The following CSTPP1 variants were observed in gnomAD, a reference collection of about 807,000 sequenced individuals.
The protein encoded by CSTPP1 is centriolar satellite-associated tubulin polyglutamylase complex regulator 1, also known as UPF0705 protein C11orf49.
the CSTPP1 span, among the ~76,000 whole-genome samples, chr11:47,119,826 G>A: frequency 6.6e-6 from 1 of 151,992 alleles, no homozygotes; most frequent in Non-Finnish European, 1.5e-5. Flanking sequence ...GGTCAGGCTG[G>A]TCTCGAACTC....
chr11:47,154,937 T>C, the CSTPP1 span: 6 of 573,166 alleles, frequency 1.0e-5, no homozygotes, highest in Non-Finnish European at 1.9e-5. Flanking sequence ...CTGGGTACAG[T>C]GTGGTCAGTT....
At chr11:47,004,010 C>T in the CSTPP1 span, among the ~76,000 whole-genome samples, 2 of 152,078 alleles carry the variant, frequency 1.3e-5, no homozygotes, top group Non-Finnish European at 2.9e-5. Context: ...GTGTGTTGTT[C>T]TCCTTAAGCT....
At chr11:47,157,888 T>G in the CSTPP1 span, 1 of 1,613,884 alleles carries the variant, frequency 6.2e-7, no homozygotes, top group African/African-American at 1.3e-5. Context: ...TCCTCATGGC[T>G]CTCTCAAAGC....
At chr11:47,114,099 T>C in the CSTPP1 span, among the ~76,000 whole-genome samples, 2 of 152,220 alleles carry the variant, frequency 1.3e-5, no homozygotes, top group African/African-American at 4.8e-5. Context: ...ATTTATTAAA[T>C]AGGGAATCCT....
the CSTPP1 span, among the ~76,000 whole-genome samples, chr11:47,063,125 ATTCTCT>A: frequency 6.6e-6 from 1 of 152,162 alleles, no homozygotes; most frequent in African/African-American, 2.4e-5. Flanking sequence ...CTATTAATAG[ATTCTCT>A]TTCTCTTTTC....
chr11:47,101,546 T>C, the CSTPP1 span, among the ~76,000 whole-genome samples: 1 of 151,822 alleles, frequency 6.6e-6, no homozygotes, highest in Non-Finnish European at 1.5e-5. Context: ...CAGGAGCATA[T>C]CATAATTTAA....
At chr11:47,073,659 AAT>A in the CSTPP1 span, among the ~76,000 whole-genome samples, 1 of 152,230 alleles carries the variant, frequency 6.6e-6, no homozygotes, top group South Asian at 2.1e-4. Context: ...AAGTGATAAT[AAT>A]AATGCTTTTT....
At chr11:47,037,359 T>A in the CSTPP1 span, among the ~76,000 whole-genome samples, 1 of 121,990 alleles carries the variant, frequency 8.2e-6, no homozygotes, top group African/African-American at 2.5e-5. Flanking sequence ...TTCATATTCA[T>A]TGTTGGTTCT....
At chr11:47,082,047 G>A in the CSTPP1 span, among the ~76,000 whole-genome samples, 4 of 149,908 alleles carry the variant, frequency 2.7e-5, no homozygotes, top group East Asian at 7.8e-4. Flanking sequence ...CTACTCGAAA[G>A]GCTGAGGTGA....
At chr11:47,094,461 C>T in the CSTPP1 span, among the ~76,000 whole-genome samples, 3 of 147,326 alleles carry the variant, frequency 2.0e-5, no homozygotes, top group Admixed American at 2.0e-4. Flanking sequence ...GATCTCATGT[C>T]AATCATTCTT....
chr11:47,067,605 T>C, the CSTPP1 span, among the ~76,000 whole-genome samples: 2 of 152,328 alleles, frequency 1.3e-5, no homozygotes, highest in Non-Finnish European at 2.9e-5. Context: ...GAGCTGCCCA[T>C]GCCCCTCCAC....
the CSTPP1 span, among the ~76,000 whole-genome samples, chr11:47,002,759 T>G: frequency 6.6e-6 from 1 of 152,210 alleles, no homozygotes; most frequent in African/African-American, 2.4e-5. Flanking sequence ...TCTGTTTTCA[T>G]GGGAGCTGCT....
chr11:47,068,783 A>G, the CSTPP1 span, among the ~76,000 whole-genome samples: 6,006 of 152,252 alleles, frequency 0.039, 361 homozygotes, highest in African/African-American at 0.14. Flanking sequence ...CTTCTATACC[A>G]GATCATATAA....
the CSTPP1 span, among the ~76,000 whole-genome samples, chr11:47,111,958 T>C: frequency 6.6e-6 from 1 of 152,232 alleles, no homozygotes; most frequent in Admixed American, 6.5e-5. Flanking sequence ...TGGCCCATTA[T>C]TTCTCTAACC....
chr11:47,039,371 C>A, the CSTPP1 span, among the ~76,000 whole-genome samples: 4 of 127,578 alleles, frequency 3.1e-5, 2 homozygotes, highest in Non-Finnish European at 7.5e-5. Context: ...GGCGTGGCGG[C>A]GCGCGCCCAG....
the CSTPP1 span, among the ~76,000 whole-genome samples, chr11:47,094,286 A>T: frequency 2.0e-5 from 3 of 152,226 alleles, no homozygotes; most frequent in African/African-American, 7.2e-5. Context: ...AAGGCAGAGG[A>T]TAGGATGGTG....
chr11:47,132,118 G>C, the CSTPP1 span, among the ~76,000 whole-genome samples: 2 of 152,206 alleles, frequency 1.3e-5, no homozygotes, highest in South Asian at 4.1e-4. Context: ...GACAGTTATA[G>C]TACCTAGCAC....
the CSTPP1 span, among the ~76,000 whole-genome samples, chr11:47,038,917 G>T: frequency 8.2e-6 from 1 of 122,170 alleles, no homozygotes; most frequent in African/African-American, 2.5e-5. Context: ...CGGCAGGGCA[G>T]AGGTGCTCCC....
the CSTPP1 span, among the ~76,000 whole-genome samples, chr11:47,078,932 A>G: frequency 1.3e-5 from 2 of 152,188 alleles, no homozygotes; most frequent in Non-Finnish European, 2.9e-5. Flanking sequence ...AAGCCAATCA[A>G]TATGGTTTCT....
Sources: gnomAD v4.1 joint callset for allele counts (sites outside exome capture counted in the v4.1 genomes callset) on GRCh38, gnomAD v4.1.1 for gene constraint, MANE v1.5 for transcripts, NCBI Gene and HGNC (gene_info 2026-07-23, HGNC 2026-07-21) for gene names.